Variants in PIEZO2 observed in about 807,000 individuals in gnomAD.
PIEZO2 encodes piezo type mechanosensitive ion channel component 2.
In PIEZO2, 172 loss-of-function variants were observed where a neutral mutation model predicts 337.3. The ratio of observed to expected loss-of-function variants is 0.51; its 90% CI spans 0.45 to 0.58. PIEZO2 has a LOEUF of 0.58. Among genes scored for constraint, PIEZO2 ranks in the 20% least tolerant of loss-of-function variants. The probability of loss-of-function intolerance (pLI) is 0.00; values close to 1 mark genes in which losing one functional copy is unlikely to be tolerated. For missense variants in PIEZO2, 3,028 were observed against 3,391.3 expected, an observed-to-expected ratio of 0.89 and a Z score of 2.66; for synonymous variants, 1,251 against 1,228.5, an observed-to-expected ratio of 1.02 and a Z score of -0.38.
intron 8 of PIEZO2, among the ~76,000 whole-genome samples, chr18:10,805,284 C>A (rs1015998012): frequency 6.6e-6 from 1 of 152,206 alleles, no homozygotes; most frequent in African/African-American, 2.4e-5. Flanking sequence ...GAGGCCAAGG[C>A]GAGTGAATTA....
intron 2 of PIEZO2, among the ~76,000 whole-genome samples, chr18:11,046,590 C>T (rs1235905920): frequency 7.2e-5 from 11 of 152,372 alleles, no homozygotes; most frequent in Admixed American, 5.2e-4. Flanking sequence ...TGCTCCTTTG[C>T]GCCGTGGCTC....
At chr18:10,825,540 TC>T in intron 7 of PIEZO2, among the ~76,000 whole-genome samples, 3 of 141,992 alleles carry the variant, frequency 2.1e-5, no homozygotes, top group African/African-American at 8.3e-5. Flanking sequence ...CCACTTTCTT[TC>T]CTTTCTTCCT....
intron 3 of PIEZO2, among the ~76,000 whole-genome samples, chr18:10,958,824 T>C (rs1453117040): frequency 6.6e-6 from 1 of 152,172 alleles, no homozygotes; most frequent in East Asian, 1.9e-4. Context: ...CAGTCTAAGG[T>C]ATAAATTTGG....
chr18:11,101,277 G>A lies in PIEZO2; in HGVS notation c.65-35055C>T, dbSNP rs1306484286. On this transcript the variant is annotated intron_variant, in intron 1 of 55. Coordinates refer to ENST00000674853, the MANE Select transcript of PIEZO2 (RefSeq NM_001378183.1). This position sits in a 1 kb window ranked among gnomAD's most constrained non-coding sequence, Gnocchi z 4.4. ...CTTCCAAACTTCCTCTGGAGTTCTG[G>A]GACTCAATGGAGAGTCAATCCTGAG... Among the ~76,000 whole-genome samples the A allele has an allele frequency of 6.6e-6, 1 of 152,172 alleles. No homozygotes were observed. Among genetic ancestry groups the A allele is most frequent in the Non-Finnish European group, 1.5e-5 (1 of 68,028 alleles).
At chr18:11,036,632 G>A (rs2145787841) in intron 2 of PIEZO2, among the ~76,000 whole-genome samples, 1 of 151,800 alleles carries the variant, frequency 6.6e-6, no homozygotes, top group East Asian at 1.9e-4. Context: ...TATAAACTCT[G>A]ACAGACTTTT....
At chr18:11,061,249 C>T (rs1598899838) in intron 2 of PIEZO2, among the ~76,000 whole-genome samples, 6 of 151,490 alleles carry the variant, frequency 4.0e-5, no homozygotes, top group Non-Finnish European at 2.9e-5. Flanking sequence ...ATTGATGGGA[C>T]GTATCTCAAA....
intron 4 of PIEZO2, among the ~76,000 whole-genome samples, chr18:10,879,391 CTTTTTTTT>C (rs11385433): frequency 1.9e-5 from 2 of 106,040 alleles, no homozygotes; most frequent in Non-Finnish European, 3.4e-5. Flanking sequence ...CCTTTCCAAT[CTTTTTTTT>C]TTTTTTTTTT....
intron 2 of PIEZO2, among the ~76,000 whole-genome samples, chr18:11,059,234 C>T (rs2037847410): frequency 6.6e-6 from 1 of 151,922 alleles, no homozygotes; most frequent in South Asian, 2.1e-4. Flanking sequence ...CCAGGCCTAC[C>T]CTACAAGAGC....
rs1415087438 is a variant in PIEZO2 at position 10,979,759 on chromosome 18, G to A, written c.161-99C>T. The stretch of plus-strand genomic sequence containing the variant: ...TTCTGTATAACCTATTAGATAGACC[G>A]ACTCAAAAGTATATGGAATGTAATA... On this transcript the variant is annotated intron_variant, in intron 2 of 55. Transcript: ENST00000674853. This position sits in a 1 kb window ranked among gnomAD's most constrained non-coding sequence, Gnocchi z 4.0. The A allele has an allele frequency of 6.7e-6, 7 of 1,051,930 alleles. No individual in the cohort carries two copies. The highest frequency in any genetic ancestry group is 3.4e-5 in the Admixed American group (1 of 29,232). The allele number at this position is 1,051,930 out of a possible 1,614,324, so 65.2% of individuals were successfully genotyped here. A position where few individuals can be genotyped will look rare whatever the true frequency, so the allele number is the denominator to read the frequency against.
At chr18:10,699,429 C>T (rs189461926) in intron 43 of PIEZO2, among the ~76,000 whole-genome samples, 3 of 152,054 alleles carry the variant, frequency 2.0e-5, no homozygotes, top group Non-Finnish European at 2.9e-5. Flanking sequence ...CTCATGAGAT[C>T]CGATGGTTAT....
chr18:10,885,015 A>G (rs989311616), intron 4 of PIEZO2, among the ~76,000 whole-genome samples: 9 of 152,108 alleles, frequency 5.9e-5, no homozygotes, highest in Admixed American at 5.9e-4. Context: ...CAGTGCTGAG[A>G]AAGCCAGTGT....
intron 1 of PIEZO2, among the ~76,000 whole-genome samples, chr18:11,122,491 A>T (rs1034608806): frequency 3.9e-5 from 6 of 152,216 alleles, no homozygotes; most frequent in Non-Finnish European, 7.3e-5. Context: ...ACCTGAGAAC[A>T]ACCATTCACA....
Position 10,702,206 on chromosome 18 carries a change from T to C in PIEZO2, c.6259-35A>G, listed in dbSNP as rs751736785. ...GATGACAGAAATTTTAAAACATTAC[T>C]CCTTTTAGGAATAGATATACCTGTA... On this transcript the variant is annotated intron_variant, in intron 42 of 55. Transcript: ENST00000674853. The C allele has an allele frequency of 3.2e-5, 48 of 1,515,766 alleles. No homozygotes were observed. The Admixed American group carries it at 4.8e-4, about 15-fold the overall frequency. The allele number at this position is 1,515,766 out of a possible 1,614,324, so 93.9% of individuals were successfully genotyped here.
At position 11,116,964 on chromosome 18, in the gene PIEZO2, C is replaced by T. The variant is rs1478912247; in HGVS notation, c.64+31561G>A. Among the ~76,000 whole-genome samples, 1 of 151,952 alleles carries T rather than the reference C, an allele frequency of 6.6e-6. No homozygotes were observed. Among genetic ancestry groups the T allele is most frequent in the Non-Finnish European group, 1.5e-5 (1 of 68,014 alleles). On this transcript the variant is annotated intron_variant, in intron 1 of 55. Coordinates refer to ENST00000674853, the MANE Select transcript of PIEZO2 (RefSeq NM_001378183.1). The surrounding 1 kb of genome is among the most constrained non-coding windows in gnomAD (Gnocchi z 5.0). Reference sequence around the variant, plus strand: ...TCTCTACTAAAAATATAAAAATTAGCCTGGCTTGGTGGCACGTGCCTGTAG... The same window carrying T: ...TCTCTACTAAAAATATAAAAATTAGTCTGGCTTGGTGGCACGTGCCTGTAG...
At chr18:11,029,223 A>AT (rs1389424798) in intron 2 of PIEZO2, among the ~76,000 whole-genome samples, 2 of 152,062 alleles carry the variant, frequency 1.3e-5, no homozygotes, top group African/African-American at 4.8e-5. Context: ...AGCAGCTCTG[A>AT]TTTTTCCTCC....
At chr18:10,916,497 C>A (rs1315451694) in intron 3 of PIEZO2, among the ~76,000 whole-genome samples, 1 of 152,166 alleles carries the variant, frequency 6.6e-6, no homozygotes, top group East Asian at 1.9e-4. Context: ...GCTGGGGGAC[C>A]CAGTTCCCCC....
At chr18:10,838,134 C>T (rs2041076885) in intron 7 of PIEZO2, among the ~76,000 whole-genome samples, 1 of 152,120 alleles carries the variant, frequency 6.6e-6, no homozygotes, top group Admixed American at 6.5e-5. Flanking sequence ...ATCTTTCCAG[C>T]AAGTTTCTCT....
At chr18:10,848,532 G>C (rs1188351863) in intron 7 of PIEZO2, among the ~76,000 whole-genome samples, 1 of 152,222 alleles carries the variant, frequency 6.6e-6, no homozygotes, top group African/African-American at 2.4e-5. Flanking sequence ...ATTTATTTAA[G>C]AGAGAATGCT....
At chr18:10,745,862 G>A (rs59315078) in intron 30 of PIEZO2, among the ~76,000 whole-genome samples, 31,995 of 151,982 alleles carry the variant, frequency 0.21, 3,732 homozygotes, top group Non-Finnish European at 0.27. Context: ...AGTTTCATGT[G>A]CCCATGAGAC....
Sources: allele counts gnomAD v4.1 joint callset (sites outside exome capture counted in the v4.1 genomes callset), GRCh38; gene constraint gnomAD v4.1.1; non-coding constraint Gnocchi (gnomAD v3.1); transcripts MANE v1.5; gene names NCBI Gene and HGNC (gene_info 2026-07-23, HGNC 2026-07-21).